The following NFATC1 variants were observed in gnomAD, a reference collection of about 807,000 sequenced individuals.
NFATC1 encodes the protein nuclear factor of activated T cells 1, also known as nuclear factor of activated T-cells, cytoplasmic 1.
Under a neutral mutation model 76.0 loss-of-function variants are expected in NFATC1, and 22 were observed. The observed-to-expected ratio is 0.29, with a 90% CI of 0.21 to 0.41. NFATC1 has a LOEUF of 0.41. Among genes scored for constraint, NFATC1 ranks in the 10% least tolerant of loss-of-function variants. The pLI is 1.00. For missense variants in NFATC1, 1,357 were observed against 1,337.7 expected (o/e 1.01, Z -0.23); for synonymous variants, 704 against 613.1 (o/e 1.15, Z -2.19).
intron 2 of NFATC1, among the ~76,000 whole-genome samples, chr18:79,419,968 G>A (rs2086015782): frequency 6.6e-6 from 1 of 152,224 alleles, no homozygotes; most frequent in African/African-American, 2.4e-5. Flanking sequence ...TTTTTTATAA[G>A]TGCTTCTAGA....
chr18:79,459,139 G>A (rs941979443), intron 6 of NFATC1, among the ~76,000 whole-genome samples: 1 of 152,230 alleles, frequency 6.6e-6, no homozygotes, highest in Non-Finnish European at 1.5e-5. Context: ...AAGTCTAAGC[G>A]TATCTGCTCC....
intron 5 of NFATC1, 120 bp from the exon 6 acceptor site, chr18:79,451,556 A>C: frequency 8.7e-7 from 1 of 1,145,178 alleles, no homozygotes; most frequent in Non-Finnish European, 1.2e-6. Flanking sequence ...GTCGGCCCGC[A>C]GGTCGTGGCG....
At chr18:79,469,850 A>G (rs1262334887) in intron 8 of NFATC1, 2 of 985,314 alleles carry the variant, frequency 2.0e-6, no homozygotes, top group South Asian at 4.7e-5. Context: ...GCTCCCTGTC[A>G]CCCCACCTGG....
intron 2 of NFATC1, among the ~76,000 whole-genome samples, chr18:79,412,419 G>A (rs1241400177): frequency 6.6e-6 from 1 of 151,788 alleles, no homozygotes; most frequent in Non-Finnish European, 1.5e-5. Flanking sequence ...TCCAGGCTGG[G>A]TGTTTTCCTG....
chr18:79,459,303 C>CG (rs1354170863), intron 6 of NFATC1, among the ~76,000 whole-genome samples: 1 of 152,182 alleles, frequency 6.6e-6, no homozygotes, highest in African/African-American at 2.4e-5. Context: ...CCACGAGGCA[C>CG]GGGTGGGAAA....
rs185562861 is a variant in NFATC1 at position 79,510,955 on chromosome 18, G to A, written c.2783-16573G>A. Among the ~76,000 whole-genome samples the A allele has an allele frequency of 9.2e-5, 14 of 152,332 alleles. No homozygotes were observed. In the East Asian group the frequency reaches 9.7e-4, roughly 11 times the overall value. ...GGCATCCTGCTCCGGGGCATCGTTC[G>A]CCGGTCTTGTCGCTGCGGTGGAAGT... On this transcript the variant is annotated intron_variant, in intron 9 of 9. Coordinates refer to ENST00000427363, the MANE Select transcript of NFATC1 (RefSeq NM_001278669.2).
At chr18:79,417,026 C>T (rs1197758281) in intron 2 of NFATC1, among the ~76,000 whole-genome samples, 1 of 152,166 alleles carries the variant, frequency 6.6e-6, no homozygotes, top group African/African-American at 2.4e-5. Context: ...CTGGAGCTTG[C>T]GTTTGGCTGA....
At chr18:79,428,153 C>T (rs2086465135) in intron 2 of NFATC1, among the ~76,000 whole-genome samples, 2 of 152,116 alleles carry the variant, frequency 1.3e-5, no homozygotes, top group Admixed American at 1.3e-4. Flanking sequence ...CGGGGGCCGG[C>T]CTCGGGCCGG....
intron 6 of NFATC1, among the ~76,000 whole-genome samples, chr18:79,458,259 G>A (rs540497618): frequency 7.3e-5 from 11 of 151,674 alleles, no homozygotes; most frequent in Admixed American, 2.0e-4. Flanking sequence ...AGGGACGCTC[G>A]CTTCTGGGCA....
rs547259133 is a variant in NFATC1 at position 79,422,139 on chromosome 18, A to G, written c.1226+10638A>G. 2.7e-3 allele frequency: 405 copies of G among 152,346 alleles called. 2 individuals are homozygous for G. The highest frequency in any genetic ancestry group is 7.8e-3 in the African/African-American group (325 of 41,566). The allele number at this position is 152,346 out of a possible 1,614,324, so 9.4% of individuals were successfully genotyped here. ...AACCCCCAAGTTTCCCGTAGGTCCAAGCTGAGAAGATTGAGTGAACTCTGA... is the reference window on the plus strand; with the variant it reads ...AACCCCCAAGTTTCCCGTAGGTCCAGGCTGAGAAGATTGAGTGAACTCTGA... On this transcript the variant is annotated intron_variant, in intron 2 of 9. Transcript: ENST00000427363.
At chr18:79,463,327 A>G (rs1212079352) in intron 7 of NFATC1, among the ~76,000 whole-genome samples, 1 of 152,008 alleles carries the variant, frequency 6.6e-6, no homozygotes, top group East Asian at 1.9e-4. Flanking sequence ...GTCCCGGCCT[A>G]CACGGCCCGT....
chr18:79,420,411 A>C (rs1008636693), intron 2 of NFATC1, among the ~76,000 whole-genome samples: 2 of 148,824 alleles, frequency 1.3e-5, no homozygotes, highest in Non-Finnish European at 3.0e-5. Context: ...AGGTCGCTGC[A>C]GAGGGGAAGA....
intron 3 of NFATC1, among the ~76,000 whole-genome samples, chr18:79,448,044 G>C (rs1444822170): frequency 6.6e-6 from 1 of 152,226 alleles, no homozygotes; most frequent in African/African-American, 2.4e-5. Context: ...CACCGGGGCT[G>C]CTCCATTTGT....
chr18:79,451,867 G>A (rs2087489194), intron 6 of NFATC1, 51 bp downstream of exon 6: 3 of 1,561,974 alleles, frequency 1.9e-6, no homozygotes, highest in Non-Finnish European at 2.6e-6. Context: ...GCGCTGGTGG[G>A]AACCGGTTCC....
chr18:79,441,956 T>C (rs1201543193), intron 3 of NFATC1, among the ~76,000 whole-genome samples: 2 of 152,210 alleles, frequency 1.3e-5, no homozygotes, highest in Admixed American at 1.3e-4. Context: ...GTCTCTTCTC[T>C]GGGCGCTTCC....
rs865992677 is a variant in NFATC1 at position 79,474,919 on chromosome 18, G to A, written c.2092+7337G>A. On this transcript the variant is annotated intron_variant, in intron 8 of 9. Transcript: ENST00000427363. The stretch of plus-strand genomic sequence containing the variant: ...AAACCTGAGGGAAGCGTGTTCTCAC[G>A]CTCGCTGTCAACGTAAACCTGAGGG... Among the ~76,000 whole-genome samples the A allele has an allele frequency of 2.6e-3, 311 of 118,368 alleles. 9 individuals carry two copies. Among genetic ancestry groups the A allele is most frequent in the African/African-American group, 9.8e-3 (278 of 28,466 alleles). 77.7% of individuals were successfully genotyped at this position (118,368 alleles called of 152,430 possible). A position where few individuals can be genotyped will look rare whatever the true frequency, so the allele number is the denominator to read the frequency against.
At chr18:79,434,582 C>A (rs1025267678) in intron 3 of NFATC1, among the ~76,000 whole-genome samples, 3 of 152,234 alleles carry the variant, frequency 2.0e-5, no homozygotes, top group Admixed American at 6.5e-5. Context: ...TGTGTCCAGC[C>A]CCAGGGCTCC....
intron 9 of NFATC1, chr18:79,498,267 C>T (rs2089940832): frequency 6.7e-6 from 1 of 150,336 alleles, no homozygotes; most frequent in Non-Finnish European, 1.5e-5. Flanking sequence ...GCTCAAAGAA[C>T]TGAAAGAAAT....
At chr18:79,458,708 G>C (rs865990021) in intron 6 of NFATC1, among the ~76,000 whole-genome samples, 1 of 152,228 alleles carries the variant, frequency 6.6e-6, no homozygotes, top group South Asian at 2.1e-4. Flanking sequence ...CTTCCTTCCT[G>C]CCAGGGGCTG....
Sources: allele counts gnomAD v4.1 joint callset (sites outside exome capture counted in the v4.1 genomes callset), GRCh38; gene constraint gnomAD v4.1.1; transcripts MANE v1.5; gene names NCBI Gene and HGNC (gene_info 2026-07-23, HGNC 2026-07-21).